The following IQANK1 variants were observed in gnomAD, a reference collection of about 807,000 sequenced individuals.
The protein encoded by IQANK1 is IQ motif and ankyrin repeat domain-containing protein 1.
In IQANK1, 30 loss-of-function variants were observed where a neutral mutation model predicts 22.6. That is an observed-to-expected ratio of 1.33 (90% CI 0.99 to 1.80). The LOEUF (loss-of-function observed/expected upper bound fraction) is 1.80, where lower values mean the gene tolerates loss of function less well. Ranked by LOEUF, IQANK1 falls within the 40% of genes most tolerant of loss-of-function variation. IQANK1 has a pLI of 0.00. For synonymous variants in IQANK1, 122 were observed against 99.6 expected (o/e 1.23, Z -1.34); for missense variants, 275 against 235.2 (o/e 1.17, Z -1.11).
chr8:143,743,237 T>G (rs540233988), intron 3 of IQANK1: 27 of 350,750 alleles, frequency 7.7e-5, no homozygotes, highest in Admixed American at 2.3e-4. Flanking sequence ...TTCCGTTTTG[T>G]TTTTTTTTGA....
chr8:143,735,769 G>T lies in IQANK1; in HGVS notation c.-4-81G>T. 1.4e-6 allele frequency: 1 copy of T among 689,708 alleles called. No homozygotes were observed. The highest frequency in any genetic ancestry group is 2.6e-6 in the Non-Finnish European group (1 of 377,744). 42.7% of individuals were successfully genotyped at this position (689,708 alleles called of 1,614,324 possible). On this transcript the variant is annotated intron_variant, in intron 1 of 13. Coordinates refer to ENST00000527139, the MANE Select transcript of IQANK1 (RefSeq NM_001381874.1). This position sits in a 1 kb window ranked among gnomAD's most constrained non-coding sequence, Gnocchi z 5.2. Reference sequence around the variant, plus strand: ...TCATCCACTCAGGCGCCCATGGTGTGCCCTGTTCCCCACTGCCACTGCCCC... The same window carrying T: ...TCATCCACTCAGGCGCCCATGGTGTTCCCTGTTCCCCACTGCCACTGCCCC...
At chr8:143,776,983 A>AG (rs1184116298) in intron 7 of IQANK1, among the ~76,000 whole-genome samples, 4 of 152,122 alleles carry the variant, frequency 2.6e-5, no homozygotes, top group Admixed American at 2.6e-4. Context: ...AATTTGAACC[A>AG]GGCATGGTGG....
chr8:143,776,893 A>T (rs558290952), intron 7 of IQANK1, among the ~76,000 whole-genome samples: 1 of 152,244 alleles, frequency 6.6e-6, no homozygotes, highest in East Asian at 1.9e-4. Context: ...CTCATGATTC[A>T]TAGGGTATTG....
Position 143,790,009 on chromosome 8 carries a change from G to A in IQANK1, c.1234G>A (p.Glu412Lys), listed in dbSNP as rs1587499259. The change falls in exon 12 of 14, where the codon GAG (glutamate) becomes AAG (lysine). Residue 412 changes from glutamate (E) to lysine (K), a missense_variant. Physicochemically the swap from Glu to Lys is moderately conservative, Grantham distance 56 (BLOSUM62 1). Coordinates refer to ENST00000527139, the MANE Select transcript of IQANK1 (RefSeq NM_001381874.1). ...GCCTGGGCTGAAGTGCCAGGTCACC[G>A]AGCTGCACGATGTGCTGATGAAAGA... ...EAPGLKCQVT[E>K]LHDVLMKDVG... 8.1e-6 allele frequency: 10 copies of A among 1,231,980 alleles called. No individual in the cohort carries two copies. The South Asian group carries it at 1.6e-4, about 20-fold the overall frequency. 76.3% of individuals were successfully genotyped at this position (1,231,980 alleles called of 1,614,324 possible).
chr8:143,779,899 C>G (rs56934170), intron 7 of IQANK1, among the ~76,000 whole-genome samples: 1 of 152,142 alleles, frequency 6.6e-6, no homozygotes, highest in Non-Finnish European at 1.5e-5. Context: ...TTGCCTCATT[C>G]GTATGTCTGT....
intron 7 of IQANK1, among the ~76,000 whole-genome samples, chr8:143,788,176 G>A (rs1554631647): frequency 6.6e-6 from 1 of 152,210 alleles, no homozygotes; most frequent in Non-Finnish European, 1.5e-5. Flanking sequence ...GGGGCAAGTG[G>A]CATTCACACA....
chr8:143,744,501 A>G (rs4875048), intron 3 of IQANK1: 116,479 of 152,076 alleles, frequency 0.77, 44,879 homozygotes, highest in Non-Finnish European at 0.79. Flanking sequence ...GGTCGGCTGC[A>G]GCAAAAAGAC....
In IQANK1 at chr8:143,790,507, C is replaced by A. The variant is rs1157141216; in HGVS notation, c.1582C>A (p.His528Asn). The change falls in exon 14 of 14, where the codon CAC (histidine) becomes AAC (asparagine). Residue 528 changes from histidine to asparagine, a missense_variant. Transcript: ENST00000527139. ...GCAGTTCCAGGAGCAGCGGCTGGAGCACTTCCGCCTCTTTTTCGTCACCAA... is the reference window on the plus strand; with the variant it reads ...GCAGTTCCAGGAGCAGCGGCTGGAGAACTTCCGCCTCTTTTTCGTCACCAA... ...PTQFQEQRLE[H>N]FRLFFVTKVQ... is the part of the protein sequence containing the mutation. The A allele has an allele frequency of 4.9e-6, 2 of 405,216 alleles. No individual in the cohort carries two copies. The highest frequency in any genetic ancestry group is 8.6e-6 in the Non-Finnish European group (2 of 231,986). The allele number at this position is 405,216 out of a possible 1,614,324, so 25.1% of individuals were successfully genotyped here.
intron 7 of IQANK1, among the ~76,000 whole-genome samples, chr8:143,777,921 G>A (rs1321384306): frequency 2.0e-5 from 3 of 152,036 alleles, no homozygotes; most frequent in African/African-American, 7.3e-5. Context: ...GTTGCCGGGC[G>A]CGGTGGCTCA....
intron 3 of IQANK1, among the ~76,000 whole-genome samples, chr8:143,748,562 A>G (rs1321630588): frequency 7.4e-6 from 1 of 135,080 alleles, no homozygotes; most frequent in African/African-American, 2.8e-5. Context: ...ATAGATATAT[A>G]TATCATATAT....
chr8:143,742,902 C>T (rs540782069), intron 3 of IQANK1: 126 of 456,102 alleles, frequency 2.8e-4, no homozygotes, highest in African/African-American at 2.1e-3. Flanking sequence ...TCTTGCTGGA[C>T]GGAGGCACAG....
At chr8:143,783,304 T>G (rs112110876) in intron 7 of IQANK1, among the ~76,000 whole-genome samples, 3,620 of 152,288 alleles carry the variant, frequency 0.024, 161 homozygotes, top group African/African-American at 0.081. Context: ...CCGTGGTGCC[T>G]CACTGCAGTT....
At chr8:143,752,995 C>CATTTTTTTTTTTTTTTTTTTTTTTTTT (rs1563771948) in intron 3 of IQANK1, among the ~76,000 whole-genome samples, 1 of 74,700 alleles carries the variant, frequency 1.3e-5, no homozygotes, top group African/African-American at 4.8e-5. Context: ...ACTCTCTGTT[C>CATTTTTTTTTTTTTTTTTTTTTTTTTT]GTTTTTTTTT....
intron 3 of IQANK1, chr8:143,760,452 G>C (rs1819373394): frequency 6.7e-6 from 1 of 150,138 alleles, no homozygotes; most frequent in Non-Finnish European, 1.5e-5. Context: ...GAGGCAGGTG[G>C]ATCACTGGAG....
intron 3 of IQANK1, among the ~76,000 whole-genome samples, chr8:143,757,526 AGGG>A (rs1819316195): frequency 6.6e-6 from 1 of 151,948 alleles, no homozygotes; most frequent in African/African-American, 2.4e-5. Context: ...TTAGTAGAGA[AGGG>A]GTTTTCACCA....
chr8:143,787,408 G>A (rs1301727928), intron 7 of IQANK1, among the ~76,000 whole-genome samples: 1 of 151,992 alleles, frequency 6.6e-6, no homozygotes, highest in South Asian at 2.1e-4. Flanking sequence ...AGACCTGCAG[G>A]CCCCCTACAC....
intron 3 of IQANK1, among the ~76,000 whole-genome samples, chr8:143,741,228 C>T (rs375213099): frequency 2.7e-4 from 41 of 152,338 alleles, no homozygotes; most frequent in African/African-American, 7.9e-4. Flanking sequence ...AGGACAGCCC[C>T]GCCTCACTGG....
At position 143,790,238 on chromosome 8, in the gene IQANK1, A is replaced by G; in HGVS notation, c.1391A>G (p.Glu464Gly). 8.1e-7 allele frequency: 1 copy of G among 1,232,152 alleles called. No individual in the cohort carries two copies. The highest frequency in any genetic ancestry group is 1.0e-6 in the Non-Finnish European group (1 of 988,056). The allele number at this position is 1,232,152 out of a possible 1,614,324, so 76.3% of individuals were successfully genotyped here. A position where few individuals can be genotyped will look rare whatever the true frequency, so the allele number is the denominator to read the frequency against. ...GTGAACCCGGAGCCCCTGAGGCCGG[A>G]GACGATGTGGCTGGCTCTGCTGGGG... ...DTVNPEPLRP[E>G]TMWLALLGAL... The change falls in exon 13 of 14, where the codon GAG becomes GGG. Residue 464 changes from glutamate (E) to glycine (G), a missense_variant. Transcript: ENST00000527139.
intron 3 of IQANK1, among the ~76,000 whole-genome samples, chr8:143,762,260 G>C (rs1212048546): frequency 6.7e-6 from 1 of 149,620 alleles, no homozygotes; most frequent in East Asian, 2.0e-4. Context: ...AGTGAGCCGA[G>C]ATCGCGCCAT....
Sources: allele counts gnomAD v4.1 joint callset (sites outside exome capture counted in the v4.1 genomes callset), GRCh38; gene constraint gnomAD v4.1.1; non-coding constraint Gnocchi (gnomAD v3.1); transcripts MANE v1.5; gene names NCBI Gene and HGNC (gene_info 2026-07-23, HGNC 2026-07-21).